Variants in ARHGAP6 observed in about 807,000 individuals in gnomAD.
ARHGAP6 encodes Rho GTPase activating protein 6.
ARHGAP6 carries 16 observed loss-of-function variants against 55.7 expected under a neutral mutation model. The observed-to-expected ratio is 0.29, with a 90% confidence interval of 0.19 to 0.44. The LOEUF (loss-of-function observed/expected upper bound fraction) is 0.44, where lower values mean the gene tolerates loss of function less well. ARHGAP6 is among the 20% of genes least tolerant of loss of function. ARHGAP6 has a pLI of 1.00. For missense variants in ARHGAP6, 698 were observed against 808.9 expected (o/e 0.86, Z 1.66); for synonymous variants, 382 against 360.9 (o/e 1.06, Z -0.66).
At chrX:11,280,613 C>T (rs911949447) in intron 1 of ARHGAP6, among the ~76,000 whole-genome samples, 1 of 109,561 alleles carries the variant, frequency 9.1e-6, no homozygotes, top group Non-Finnish European at 1.9e-5. Flanking sequence ...GGCATGGTGG[C>T]TCACATCTGG....
chrX:11,397,348 A>G (rs2049488851), intron 1 of ARHGAP6, among the ~76,000 whole-genome samples: 1 of 111,679 alleles, frequency 9.0e-6, no homozygotes, highest in Non-Finnish European at 1.9e-5. Flanking sequence ...GCACATGGGA[A>G]AGGGTAGCCT....
chrX:11,341,764 C>A (rs189218642), intron 1 of ARHGAP6, among the ~76,000 whole-genome samples: 1 of 112,015 alleles, frequency 8.9e-6, no homozygotes, highest in Non-Finnish European at 1.9e-5. Flanking sequence ...CAAAGTTATA[C>A]GGGCTGATAA....
intron 10 of ARHGAP6, among the ~76,000 whole-genome samples, chrX:11,146,660 A>G (rs919022742): frequency 9.8e-5 from 11 of 112,408 alleles, no homozygotes; most frequent in African/African-American, 3.6e-4. Flanking sequence ...GCTACTGTTA[A>G]CAACTCTCCT....
At chrX:11,392,098 C>T (rs1357976104) in intron 1 of ARHGAP6, among the ~76,000 whole-genome samples, 1 of 112,240 alleles carries the variant, frequency 8.9e-6, no homozygotes, top group Non-Finnish European at 1.9e-5. Context: ...ATATCTTTGG[C>T]TTATCTTTTG....
At chrX:11,439,789 G>T (rs939612825) in intron 1 of ARHGAP6, among the ~76,000 whole-genome samples, 1 of 112,257 alleles carries the variant, frequency 8.9e-6, no homozygotes, top group African/African-American at 3.2e-5. Context: ...GAAGCCTTAG[G>T]TAAATGTATT....
chrX:11,250,709 T>A (rs759716357), intron 2 of ARHGAP6, among the ~76,000 whole-genome samples: 3 of 111,700 alleles, frequency 2.7e-5, no homozygotes, highest in Non-Finnish European at 5.7e-5. Context: ...CTGGGAGAAT[T>A]TCTGCACTTT....
chrX:11,521,074 G>A (rs1385799363), intron 1 of ARHGAP6, among the ~76,000 whole-genome samples: 3 of 111,817 alleles, frequency 2.7e-5, no homozygotes, highest in Non-Finnish European at 5.6e-5. Flanking sequence ...TGTCAGATGA[G>A]TAGATTGCAA....
chrX:11,354,327 C>CTCTCTATA lies in ARHGAP6; in HGVS notation c.589-99621_589-99620insTATAGAGA, dbSNP rs1343744315. Among the ~76,000 whole-genome samples the CTCTCTATA allele has an allele frequency of 6.5e-3, 210 of 32,339 alleles. 3 individuals are homozygous for CTCTCTATA. Among genetic ancestry groups the CTCTCTATA allele is most frequent in the Non-Finnish European group, 8.9e-3 (171 of 19,242 alleles). 28.1% of individuals were successfully genotyped at this position (32,339 alleles called of 115,157 possible). On this transcript the variant is annotated intron_variant, in intron 1 of 12. Coordinates refer to ENST00000337414, the MANE Select transcript of ARHGAP6 (RefSeq NM_013427.3). ...TCTCTCTCTCTCTCTCTCTCTCTCT[C>CTCTCTATA]TATATATATATATATATATATATAT...
At chrX:11,233,031 A>G (rs762816710) in intron 2 of ARHGAP6, among the ~76,000 whole-genome samples, 1 of 112,708 alleles carries the variant, frequency 8.9e-6, no homozygotes, top group East Asian at 2.8e-4. Context: ...TAAATGGTGA[A>G]TACACAGCAA....
At chrX:11,384,341 T>C (rs1364965335) in intron 1 of ARHGAP6, among the ~76,000 whole-genome samples, 1 of 112,104 alleles carries the variant, frequency 8.9e-6, no homozygotes, top group East Asian at 2.8e-4. Context: ...CTTGAATACT[T>C]TCAAGGGTGG....
intron 1 of ARHGAP6, among the ~76,000 whole-genome samples, chrX:11,450,052 C>T (rs780138418): frequency 1.8e-5 from 2 of 111,383 alleles, no homozygotes; most frequent in Non-Finnish European, 3.8e-5. Flanking sequence ...ACCAGAACAG[C>T]CCCTAGATAC....
At chrX:11,490,346 C>G (rs1012299952) in intron 1 of ARHGAP6, among the ~76,000 whole-genome samples, 20 of 111,351 alleles carry the variant, frequency 1.8e-4, no homozygotes, top group Non-Finnish European at 3.0e-4. Context: ...TAGCCCCCAG[C>G]CAACAGTCAG....
At chrX:11,381,934 G>A (rs1367520245) in intron 1 of ARHGAP6, among the ~76,000 whole-genome samples, 1 of 111,920 alleles carries the variant, frequency 8.9e-6, no homozygotes, top group Non-Finnish European at 1.9e-5. Context: ...TTACATTTAA[G>A]ATGAGGCATT....
At chrX:11,554,586 A>G (rs1459319448) in intron 1 of ARHGAP6, among the ~76,000 whole-genome samples, 2 of 112,124 alleles carry the variant, frequency 1.8e-5, no homozygotes, top group Non-Finnish European at 3.8e-5. Context: ...TTATGTGTCA[A>G]TTTTAAAAAA....
intron 2 of ARHGAP6, among the ~76,000 whole-genome samples, chrX:11,251,059 A>G (rs982959918): frequency 8.9e-6 from 1 of 111,732 alleles, no homozygotes; most frequent in Admixed American, 9.5e-5. Context: ...TTTATTTTTC[A>G]TTTAAAATTC....
intron 1 of ARHGAP6, among the ~76,000 whole-genome samples, chrX:11,409,787 A>C (rs1051141503): frequency 3.6e-5 from 4 of 112,625 alleles, no homozygotes; most frequent in African/African-American, 1.3e-4. Flanking sequence ...AAAATAAAAC[A>C]CTTCACACTG....
chrX:11,343,927 C>A (rs2048737608), intron 1 of ARHGAP6, among the ~76,000 whole-genome samples: 1 of 111,751 alleles, frequency 8.9e-6, no homozygotes, highest in Non-Finnish European at 1.9e-5. Flanking sequence ...TTTTGCCTAT[C>A]CCAGTATGGT....
chrX:11,246,285 G>A (rs2047351886), intron 2 of ARHGAP6, among the ~76,000 whole-genome samples: 1 of 111,157 alleles, frequency 9.0e-6, no homozygotes, highest in Non-Finnish European at 1.9e-5. Context: ...GCTCATTATG[G>A]TTATTATTTC....
chrX:11,536,363 G>C (rs1234376901), intron 1 of ARHGAP6, among the ~76,000 whole-genome samples: 2 of 112,158 alleles, frequency 1.8e-5, no homozygotes, highest in African/African-American at 6.5e-5. Context: ...TGTCCGTTGG[G>C]TGGGATAACT....
Sources: allele counts gnomAD v4.1 joint callset (sites outside exome capture counted in the v4.1 genomes callset), GRCh38; gene constraint gnomAD v4.1.1; transcripts MANE v1.5; gene names NCBI Gene and HGNC (gene_info 2026-07-23, HGNC 2026-07-21).